CDKAL1: variants seen among roughly 807,000 people sequenced by gnomAD.
CDKAL1 encodes the protein threonylcarbamoyladenosine tRNA methylthiotransferase.
A neutral mutation model predicts 68.2 loss-of-function variants in CDKAL1; 32 were observed. That is an observed-to-expected ratio of 0.47 (90% confidence interval 0.35 to 0.63). The LOEUF (loss-of-function observed/expected upper bound fraction) is 0.63. CDKAL1 is among the 30% of genes least tolerant of loss of function. The pLI is 0.00. For missense variants in CDKAL1, 606 were observed against 696.7 expected (o/e 0.87, Z 1.47); for synonymous variants, 234 against 244.3 (o/e 0.96, Z 0.39).
intron 12 of CDKAL1, among the ~76,000 whole-genome samples, chr6:21,069,770 C>CTTTTTT (rs1771654458): frequency 9.5e-5 from 4 of 42,254 alleles, no homozygotes; most frequent in African/African-American, 1.7e-4. Context: ...CCCAGATTTT[C>CTTTTTT]TTTCTTTTTT....
chr6:20,783,735 T>C (rs990549786), intron 8 of CDKAL1, among the ~76,000 whole-genome samples: 1 of 152,226 alleles, frequency 6.6e-6, no homozygotes, highest in African/African-American at 2.4e-5. Context: ...ACTATGTCAT[T>C]TGTATCTTCC....
intron 15 of CDKAL1, among the ~76,000 whole-genome samples, chr6:21,208,379 T>A (rs1347365780): frequency 6.6e-6 from 1 of 152,202 alleles, no homozygotes; most frequent in African/African-American, 2.4e-5. Flanking sequence ...GACATTCATT[T>A]CCAGAACCAG....
intron 13 of CDKAL1, among the ~76,000 whole-genome samples, chr6:21,128,075 G>A (rs191938319): frequency 7.2e-5 from 11 of 152,304 alleles, no homozygotes; most frequent in East Asian, 5.8e-4. Flanking sequence ...ACAATGGTCC[G>A]ACTTACAAGT....
chr6:20,998,751 T>G (rs1277945095), intron 10 of CDKAL1, among the ~76,000 whole-genome samples: 2 of 152,200 alleles, frequency 1.3e-5, no homozygotes, highest in Non-Finnish European at 2.9e-5. Flanking sequence ...GTAGTCTATA[T>G]GTAACAAGGT....
intron 8 of CDKAL1, among the ~76,000 whole-genome samples, chr6:20,824,058 G>C (rs2150447546): frequency 6.6e-6 from 1 of 152,136 alleles, no homozygotes; most frequent in African/African-American, 2.4e-5. Context: ...TGAATTTTGG[G>C]ATTCCCTTAA....
At chr6:20,568,063 A>T (rs1172997572) in intron 4 of CDKAL1, among the ~76,000 whole-genome samples, 2 of 152,084 alleles carry the variant, frequency 1.3e-5, no homozygotes, top group African/African-American at 4.8e-5. Flanking sequence ...CTTTTAGTAG[A>T]GACGGGGGTT....
At chr6:20,574,958 T>G (rs1364996393) in intron 4 of CDKAL1, among the ~76,000 whole-genome samples, 1 of 152,194 alleles carries the variant, frequency 6.6e-6, no homozygotes, top group Admixed American at 6.5e-5. Flanking sequence ...GAAAATATTT[T>G]GGAATTTTCA....
chr6:20,941,559 GT>G (rs1184812404), intron 9 of CDKAL1, among the ~76,000 whole-genome samples: 1 of 152,122 alleles, frequency 6.6e-6, no homozygotes, highest in African/African-American at 2.4e-5. Context: ...GTCTGTGTTT[GT>G]TATTCAAATA....
intron 9 of CDKAL1, among the ~76,000 whole-genome samples, chr6:20,905,004 T>A (rs1489766902): frequency 2.0e-5 from 3 of 152,112 alleles, no homozygotes; most frequent in African/African-American, 7.2e-5. Flanking sequence ...ATCACCGCAT[T>A]ATTAGATTCA....
intron 4 of CDKAL1, among the ~76,000 whole-genome samples, chr6:20,616,691 T>C (rs1351019221): frequency 1.3e-5 from 2 of 151,616 alleles, no homozygotes; most frequent in Non-Finnish European, 2.9e-5. Flanking sequence ...GCTGAGACAA[T>C]GGGGTTTTCT....
intron 5 of CDKAL1, among the ~76,000 whole-genome samples, chr6:20,703,795 G>A (rs1771479751): frequency 6.6e-6 from 1 of 152,046 alleles, no homozygotes; most frequent in Non-Finnish European, 1.5e-5. Flanking sequence ...TGTAGTAAGT[G>A]TAAAAACATG....
intron 8 of CDKAL1, among the ~76,000 whole-genome samples, chr6:20,810,208 G>A (rs1331191401): frequency 6.6e-6 from 1 of 152,012 alleles, no homozygotes; most frequent in African/African-American, 2.4e-5. Flanking sequence ...CAACTCATGG[G>A]CAATCCAAAT....
chr6:21,060,135 T>C (rs1241870720), intron 11 of CDKAL1, among the ~76,000 whole-genome samples: 2 of 152,242 alleles, frequency 1.3e-5, no homozygotes, highest in African/African-American at 4.8e-5. Context: ...AAATGTTTGG[T>C]AGAATTCACC....
At chr6:20,767,671 G>A (rs1774759793) in intron 7 of CDKAL1, among the ~76,000 whole-genome samples, 1 of 151,986 alleles carries the variant, frequency 6.6e-6, no homozygotes, top group Non-Finnish European at 1.5e-5. Flanking sequence ...GTGATGTTAT[G>A]GATCTTTTCT....
At chr6:20,847,807 C>T (rs1778431330) in intron 9 of CDKAL1, among the ~76,000 whole-genome samples, 1 of 152,090 alleles carries the variant, frequency 6.6e-6, no homozygotes, top group Non-Finnish European at 1.5e-5. Flanking sequence ...GCGTTTTAAA[C>T]AAAGAATTGG....
At chr6:20,636,940 G>C (rs1458939399) in intron 4 of CDKAL1, among the ~76,000 whole-genome samples, 1 of 151,018 alleles carries the variant, frequency 6.6e-6, no homozygotes, top group African/African-American at 2.4e-5. Context: ...GGGAGGCTGA[G>C]ACTGGAGAAT....
At chr6:20,546,135 G>A (rs1414403454) in intron 2 of CDKAL1, among the ~76,000 whole-genome samples, 1 of 151,590 alleles carries the variant, frequency 6.6e-6, no homozygotes, top group Non-Finnish European at 1.5e-5. Flanking sequence ...TGTCATTAGG[G>A]TTTTGTCTGA....
At chr6:20,678,805 C>A (rs1770242409) in intron 5 of CDKAL1, among the ~76,000 whole-genome samples, 1 of 151,734 alleles carries the variant, frequency 6.6e-6, no homozygotes, top group South Asian at 2.1e-4. Context: ...GTGTTTTTTT[C>A]TTTAAATAAA....
intron 6 of CDKAL1, among the ~76,000 whole-genome samples, chr6:20,753,979 G>A (rs1477035243): frequency 1.3e-5 from 2 of 152,014 alleles, no homozygotes; most frequent in Non-Finnish European, 2.9e-5. Flanking sequence ...GTGTGTGTGT[G>A]TGTGTGTGTG....
Sources: allele counts gnomAD v4.1 joint callset (sites outside exome capture counted in the v4.1 genomes callset), GRCh38; gene constraint gnomAD v4.1.1; transcripts MANE v1.5; gene names NCBI Gene and HGNC (gene_info 2026-07-23, HGNC 2026-07-21).